Variants in RGS9 observed in about 807,000 individuals in gnomAD.
The protein encoded by RGS9 is regulator of G-protein signalling 9.
A neutral mutation model predicts 102.0 loss-of-function variants in RGS9; 78 were observed. The ratio of observed to expected loss-of-function variants is 0.76; its 90% CI spans 0.64 to 0.92. The LOEUF (loss-of-function observed/expected upper bound fraction) is 0.92, where lower values mean the gene tolerates loss of function less well. Among genes scored for constraint, RGS9 ranks in the 40% least tolerant of loss-of-function variants. The probability of loss-of-function intolerance (pLI) is 0.00; values close to 1 mark genes in which losing one functional copy is unlikely to be tolerated. For synonymous variants in RGS9, 353 were observed against 318.6 expected (o/e 1.11, Z -1.15); for missense variants, 833 against 866.1 (o/e 0.96, Z 0.48).
rs191099390 is a variant in RGS9 at position 65,149,069 on chromosome 17, T to C, written c.58-4353T>C. 5.0e-3 allele frequency among the ~76,000 whole-genome samples: 753 copies of C among 152,110 alleles called. 5 individuals carry two copies. Among genetic ancestry groups the C allele is most frequent in the African/African-American group, 0.017 (705 of 41,494 alleles). On this transcript the variant is annotated intron_variant, in intron 1 of 18. Transcript: ENST00000262406. The stretch of plus-strand genomic sequence containing the variant: ...CTCTGCCTCCCAGGTTCAAGCGATT[T>C]TCCTGCCTCAGCCTCCTGAGTAGCT...
intron 12 of RGS9, among the ~76,000 whole-genome samples, chr17:65,196,185 C>T (rs958105150): frequency 6.6e-6 from 1 of 152,250 alleles, no homozygotes; most frequent in African/African-American, 2.4e-5. Flanking sequence ...GTGTGTAACG[C>T]ACAGTACCTC....
chr17:65,153,889 CAAACA>C (rs372993920), intron 2 of RGS9, among the ~76,000 whole-genome samples: 1 of 151,286 alleles, frequency 6.6e-6, no homozygotes, highest in African/African-American at 2.4e-5. Flanking sequence ...GACTCCGTCT[CAAACA>C]AAACAAAACA....
intron 13 of RGS9, among the ~76,000 whole-genome samples, chr17:65,199,661 T>G (rs1440956640): frequency 6.6e-6 from 1 of 151,600 alleles, no homozygotes; most frequent in Non-Finnish European, 1.5e-5. Flanking sequence ...GCCCAGCTAA[T>G]TTTTGTATTT....
intron 8 of RGS9, among the ~76,000 whole-genome samples, chr17:65,177,084 TCCA>T (rs764705453): frequency 1.4e-3 from 209 of 148,984 alleles, no homozygotes; most frequent in African/African-American, 5.0e-3. Context: ...CATCCATCCA[TCCA>T]TCCATCCTTC....
At chr17:65,226,698 C>T (rs974410819) in intron 18 of RGS9, among the ~76,000 whole-genome samples, 6 of 148,362 alleles carry the variant, frequency 4.0e-5, no homozygotes, top group South Asian at 2.1e-4. Context: ...CTGCAGTGTC[C>T]GTCTCCCAGG....
chr17:65,223,528 G>A (rs768479512), intron 17 of RGS9, among the ~76,000 whole-genome samples: 1 of 152,242 alleles, frequency 6.6e-6, no homozygotes, highest in Non-Finnish European at 1.5e-5. Flanking sequence ...GCCCATGCAG[G>A]TGATCTGAAA....
chr17:65,180,927 C>T (rs189118989), intron 9 of RGS9, among the ~76,000 whole-genome samples: 148 of 152,264 alleles, frequency 9.7e-4, no homozygotes, highest in African/African-American at 2.7e-3. Context: ...TGCGTTAGTT[C>T]GCTTAAGACA....
intron 9 of RGS9, among the ~76,000 whole-genome samples, chr17:65,182,066 C>T (rs145752319): frequency 2.0e-3 from 297 of 152,306 alleles, no homozygotes; most frequent in Middle Eastern, 6.8e-3. Context: ...ATGCCAATTT[C>T]AACCTCTCTG....
intron 15 of RGS9, among the ~76,000 whole-genome samples, chr17:65,204,575 A>C (rs57672979): frequency 0.13 from 20,092 of 151,940 alleles, 2,722 homozygotes; most frequent in East Asian, 0.3. Flanking sequence ...AGAAAGAGAA[A>C]AACCCCAGAA....
intron 1 of RGS9, among the ~76,000 whole-genome samples, chr17:65,139,442 T>C (rs1180124091): frequency 2.0e-5 from 3 of 152,012 alleles, no homozygotes; most frequent in Non-Finnish European, 4.4e-5. Flanking sequence ...GCTCCCACCA[T>C]CTTCCTGGCT....
chr17:65,204,096 C>A, intron 14 of RGS9, 67 bp from the exon 15 acceptor site: 2 of 1,587,696 alleles, frequency 1.3e-6, no homozygotes, highest in Non-Finnish European at 1.7e-6. Flanking sequence ...CCCTCCCAAG[C>A]AGCTGTGAGC....
At chr17:65,167,130 G>A (rs745841652) in intron 7 of RGS9, among the ~76,000 whole-genome samples, 5 of 152,290 alleles carry the variant, frequency 3.3e-5, no homozygotes, top group South Asian at 2.1e-4. Context: ...AAGGCCCTGC[G>A]TCATTTCCCA....
chr17:65,209,917 A>C (rs1913224384), intron 16 of RGS9, among the ~76,000 whole-genome samples: 1 of 152,046 alleles, frequency 6.6e-6, no homozygotes, highest in East Asian at 1.9e-4. Context: ...GCCTCTACTA[A>C]AAATATAAAA....
intron 7 of RGS9, among the ~76,000 whole-genome samples, chr17:65,164,562 A>G (rs1911103306): frequency 6.6e-6 from 1 of 152,176 alleles, no homozygotes; most frequent in Admixed American, 6.5e-5. Context: ...GATGGGGAAG[A>G]CCTGATTCTC....
At chr17:65,182,552 A>G (rs1911924183) in intron 9 of RGS9, among the ~76,000 whole-genome samples, 1 of 152,248 alleles carries the variant, frequency 6.6e-6, no homozygotes, top group South Asian at 2.1e-4. Flanking sequence ...GATGTTTTCT[A>G]ATGTCCTTAT....
intron 6 of RGS9, among the ~76,000 whole-genome samples, chr17:65,161,471 C>T (rs1013827499): frequency 2.0e-5 from 3 of 152,062 alleles, no homozygotes; most frequent in East Asian, 1.9e-4. Context: ...AGGCTAGTCT[C>T]GAACTTCTGA....
At chr17:65,200,550 C>T (rs1912792412) in intron 13 of RGS9, among the ~76,000 whole-genome samples, 1 of 152,180 alleles carries the variant, frequency 6.6e-6, no homozygotes, top group South Asian at 2.1e-4. Flanking sequence ...TAGTTGAGAG[C>T]ATCACTGGTC....
In RGS9 at chr17:65,204,220, C is replaced by T. The variant is rs1247173504; in HGVS notation, c.1122C>T (p.Asp374=). The T allele has an allele frequency of 6.2e-6, 10 of 1,613,288 alleles. No individual in the cohort carries two copies. The South Asian group carries it at 6.6e-5, about 11-fold the overall frequency. The change falls in exon 15 of 19, where the codon GAC becomes GAT. Residue 374 remains aspartate, a synonymous_variant. Transcript: ENST00000262406. ...TCAACATAGATGGCAAAACCATGGACATCACAGTGAAGGGGCTGAAGCACC... is the reference window on the plus strand; with the variant it reads ...TCAACATAGATGGCAAAACCATGGATATCACAGTGAAGGGGCTGAAGCACC... ...RWINIDGKTM[D]ITVKGLKHPH...
chr17:65,149,202 G>A (rs1214283345), intron 1 of RGS9, among the ~76,000 whole-genome samples: 1 of 151,738 alleles, frequency 6.6e-6, no homozygotes, highest in Non-Finnish European at 1.5e-5. Context: ...TCGAACTCCT[G>A]ACCTCAAGTG....
Sources: gnomAD v4.1 joint callset for allele counts (sites outside exome capture counted in the v4.1 genomes callset) on GRCh38, gnomAD v4.1.1 for gene constraint, MANE v1.5 for transcripts, NCBI Gene and HGNC (gene_info 2026-07-23, HGNC 2026-07-21) for gene names.